ANKAR: variants seen among roughly 807,000 people sequenced by gnomAD.
ANKAR encodes the protein ankyrin and armadillo repeat-containing protein.
A neutral mutation model predicts 146.2 loss-of-function variants in ANKAR; 136 were observed. The observed-to-expected ratio is 0.93, with a 90% CI of 0.81 to 1.07. The LOEUF (loss-of-function observed/expected upper bound fraction) is 1.07. Ranked by LOEUF, ANKAR falls within the 50% of genes least tolerant of loss-of-function variation. The pLI is 0.00. For missense variants in ANKAR, 1,567 were observed against 1,679.9 expected, an observed-to-expected ratio of 0.93 and a Z score of 1.18; for synonymous variants, 500 against 575.8, an observed-to-expected ratio of 0.87 and a Z score of 1.88.
At chr2:189,745,023 ACT>A in intron 22 of ANKAR, among the ~76,000 whole-genome samples, 1 of 130,284 alleles carries the variant, frequency 7.7e-6, no homozygotes, top group African/African-American at 2.6e-5. Flanking sequence ...TACTACTACT[ACT>A]ACTAATAATA....
At position 189,692,239 on chromosome 2, in the gene ANKAR, G is replaced by A. The variant is rs139767226; in HGVS notation, c.1040-16G>A. ...CTGTTCACTTTTTAAATAAAAATTT[G>A]TTTTCATTTTTGGAGATGACAAGGT... On this transcript the variant is annotated splice_polypyrimidine_tract_variant and intron_variant, in intron 3 of 22. Coordinates refer to ENST00000684021, the MANE Select transcript of ANKAR (RefSeq NM_001378068.1). 7.0e-6 allele frequency: 11 copies of A among 1,579,684 alleles called. No individual in the cohort carries two copies. In the East Asian group the frequency reaches 2.3e-4, roughly 33 times the overall value.
intron 2 of ANKAR, among the ~76,000 whole-genome samples, chr2:189,683,439 C>T (rs1452675338): frequency 3.9e-5 from 6 of 152,182 alleles, no homozygotes; most frequent in Non-Finnish European, 8.8e-5. Context: ...TCCTGTGGTG[C>T]ACTTGAGGCA....
intron 10 of ANKAR, among the ~76,000 whole-genome samples, chr2:189,711,993 T>G (rs2105718549): frequency 6.6e-6 from 1 of 152,330 alleles, no homozygotes; most frequent in East Asian, 1.9e-4. Context: ...TGCTCACTGC[T>G]AGCGCGGCAG....
At position 189,719,963 on chromosome 2, in the gene ANKAR, C is replaced by G. The variant is rs946203759; in HGVS notation, c.2466+150C>G. 7 of 895,848 alleles carry G rather than the reference C, an allele frequency of 7.8e-6. No individual in the cohort carries two copies. The African/African-American group carries it at 1.0e-4, about 13-fold the overall frequency. 55.5% of individuals were successfully genotyped at this position (895,848 alleles called of 1,614,324 possible). On this transcript the variant is annotated intron_variant, in intron 11 of 22. Coordinates refer to ENST00000684021, the MANE Select transcript of ANKAR (RefSeq NM_001378068.1). ...AGGGAGAGAGGGTGCCTGATGAAAACTCCACCGAAAAGTTGGCATTTGAGT... is the reference window on the plus strand; with the variant it reads ...AGGGAGAGAGGGTGCCTGATGAAAAGTCCACCGAAAAGTTGGCATTTGAGT...
At chr2:189,692,036 A>G (rs1038775976) in intron 3 of ANKAR, among the ~76,000 whole-genome samples, 1 of 152,188 alleles carries the variant, frequency 6.6e-6, no homozygotes, top group Non-Finnish European at 1.5e-5. Context: ...TGCTGGGATT[A>G]TAGGCATGAG....
chr2:189,690,008 T>G, intron 3 of ANKAR, 44 bp downstream of exon 3: 1 of 1,333,526 alleles, frequency 7.5e-7, no homozygotes, highest in Non-Finnish European at 9.9e-7. Context: ...TAGGTATATA[T>G]TAAATATATG....
At chr2:189,750,652 G>A, downstream of ANKAR, 1 of 1,577,968 alleles carries the variant, frequency 6.3e-7, no homozygotes, top group Non-Finnish European at 8.6e-7. Context: ...ACTCCAAGAG[G>A]ACATCTACAT....
chr2:189,720,087 T>C (rs1287073726), intron 11 of ANKAR, among the ~76,000 whole-genome samples: 5 of 152,186 alleles, frequency 3.3e-5, no homozygotes, highest in Admixed American at 2.0e-4. Context: ...CAATGGCAAA[T>C]ATTTCCTAAT....
chr2:189,716,208 A>T (rs2040440959), intron 10 of ANKAR, among the ~76,000 whole-genome samples: 1 of 152,212 alleles, frequency 6.6e-6, no homozygotes, highest in African/African-American at 2.4e-5. Flanking sequence ...TCAGTCCAAA[A>T]TCTCCTTAAG....
rs140184386 is a variant in ANKAR at position 189,728,693 on chromosome 2, G to A, written c.3065G>A (p.Ser1022Asn). ...GEAVIALSKD[S>N]RMHQNQICEG... ...GCTGTCATAGCTCTAAGTAAGGACA[G>A]CAGGATGCATCAAAATCAAATATGT... Residue 1022 changes from serine (S) to asparagine (N), a missense_variant, in exon 15 of 23, where the codon AGC (serine) becomes AAC (asparagine). Transcript: ENST00000684021. 1.9e-6 allele frequency: 3 copies of A among 1,613,886 alleles called. No homozygotes were observed. The African/African-American group carries it at 4.0e-5, about 22-fold the overall frequency.
intron 15 of ANKAR, among the ~76,000 whole-genome samples, chr2:189,729,715 T>TGTGTGTGTGTGTGTGTGTGTGTGTGG (rs61101787): frequency 0.075 from 10,629 of 141,144 alleles, 774 homozygotes; most frequent in East Asian, 0.15. Flanking sequence ...TGTGTGTGTG[T>TGTGTGTGTGTGTGTGTGTGTGTGTGG]GGTGCGGGTG....
At chr2:189,726,156 A>G (rs2041857797) in intron 12 of ANKAR, among the ~76,000 whole-genome samples, 1 of 152,170 alleles carries the variant, frequency 6.6e-6, no homozygotes, top group South Asian at 2.1e-4. Context: ...CTTGGGGGCA[A>G]ATTTTGATAT....
downstream of ANKAR, among the ~76,000 whole-genome samples, chr2:189,748,947 A>G (rs1190596450): frequency 6.6e-6 from 1 of 152,048 alleles, no homozygotes; most frequent in Non-Finnish European, 1.5e-5. Context: ...AATCTCCCCT[A>G]TAAAGATTAT....
At position 189,755,195 on chromosome 2, in the gene ANKAR, G is replaced by A. The variant is rs755155601; in HGVS notation, c.*585-5903G>A. 7.5e-6 allele frequency: 12 copies of A among 1,609,494 alleles called. No individual in the cohort carries two copies. The African/African-American group carries it at 1.6e-4, about 22-fold the overall frequency. ...TACCTTGTCAAGCATGTCACCTGGT[G>A]CTATGTCCAAAGACTTTCCAAGAAG... is the stretch of plus-strand genomic sequence containing the variant. On this transcript the variant is annotated intron_variant and NMD_transcript_variant, in intron 18 of 18. Coordinates refer to the ANKAR transcript ENST00000441800.
intron 2 of ANKAR, among the ~76,000 whole-genome samples, chr2:189,683,512 G>A (rs1315191290): frequency 6.6e-6 from 1 of 152,180 alleles, no homozygotes; most frequent in East Asian, 1.9e-4. Context: ...GGTCTGAAAG[G>A]ATGTGAGGTA....
chr2:189,760,179 A>G (rs1195400008), intron 18 of ANKAR, among the ~76,000 whole-genome samples: 2 of 152,158 alleles, frequency 1.3e-5, no homozygotes, highest in Non-Finnish European at 2.9e-5. Context: ...CATATTAACA[A>G]TCTGATCTCT....
chr2:189,721,724 C>T (rs1452364578), intron 12 of ANKAR, among the ~76,000 whole-genome samples: 1 of 152,054 alleles, frequency 6.6e-6, no homozygotes, highest in Non-Finnish European at 1.5e-5. Flanking sequence ...TACGGTTTTC[C>T]CCAAATTTGG....
intron 18 of ANKAR, among the ~76,000 whole-genome samples, chr2:189,753,648 ACTTT>A (rs927781556): frequency 3.3e-5 from 5 of 152,300 alleles, no homozygotes; most frequent in African/African-American, 7.2e-5. Context: ...TACTGCATTT[ACTTT>A]CTTTATTGTA....
At chr2:189,682,372 A>G (rs1361662961) in intron 2 of ANKAR, among the ~76,000 whole-genome samples, 1 of 152,120 alleles carries the variant, frequency 6.6e-6, no homozygotes, top group East Asian at 1.9e-4. Flanking sequence ...TCCACTGCAC[A>G]TTGGGTGTCT....
Sources: gnomAD v4.1 joint callset for allele counts (sites outside exome capture counted in the v4.1 genomes callset) on GRCh38, gnomAD v4.1.1 for gene constraint, MANE v1.5 for transcripts, NCBI Gene and HGNC (gene_info 2026-07-23, HGNC 2026-07-21) for gene names.